LPIN1: variants seen among roughly 807,000 people sequenced by gnomAD.
LPIN1 encodes the protein phosphatidate phosphatase LPIN1.
LPIN1 carries 71 observed loss-of-function variants against 107.5 expected under a neutral mutation model. The observed-to-expected ratio is 0.66, with a 90% CI of 0.55 to 0.80. LPIN1 has a LOEUF of 0.80. Among genes scored for constraint, LPIN1 ranks in the 30% least tolerant of loss-of-function variants. The probability of loss-of-function intolerance (pLI) is 0.00; values close to 1 mark genes in which losing one functional copy is unlikely to be tolerated. For synonymous variants in LPIN1, 445 were observed against 452.6 expected (o/e 0.98, Z 0.21); for missense variants, 1,043 against 1,160.6 (o/e 0.90, Z 1.47).
At chr2:11,821,377 T>C (rs530545331) in intron 20 of LPIN1, among the ~76,000 whole-genome samples, 2 of 152,062 alleles carry the variant, frequency 1.3e-5, no homozygotes, top group East Asian at 3.9e-4. Flanking sequence ...ATTAGCCAGG[T>C]GTGGTGGTGC....
chr2:11,806,450 C>T (rs903246679), intron 17 of LPIN1, among the ~76,000 whole-genome samples: 1 of 152,044 alleles, frequency 6.6e-6, no homozygotes, highest in African/African-American at 2.4e-5. Flanking sequence ...TTAAAAGCTT[C>T]AGATTTTGTT....
At chr2:11,789,669 T>A (rs1418084157) in intron 12 of LPIN1, among the ~76,000 whole-genome samples, 1 of 152,196 alleles carries the variant, frequency 6.6e-6, no homozygotes, top group Non-Finnish European at 1.5e-5. Flanking sequence ...GCTGAGGGCA[T>A]GTTCTCCAGA....
At position 11,724,343 on chromosome 2, in the gene LPIN1, A is replaced by G. The variant is rs1378688038; in HGVS notation, c.-268A>G. ...TCCCAGGAGAGCCCATGCGCAGGGC[A>G]TGGATGAAAGCAAGCTGGAGAGGGA... On this transcript the variant is annotated 5_prime_UTR_variant, in exon 1 of 22. Transcript: ENST00000396097. 3.0e-6 allele frequency: 3 copies of G among 985,934 alleles called. No homozygotes were observed. In the East Asian group the frequency reaches 3.4e-4, roughly 112 times the overall value. The allele number at this position is 985,934 out of a possible 1,614,324, so 61.1% of individuals were successfully genotyped here.
At chr2:11,797,644 G>T (rs1410039844) in intron 14 of LPIN1, among the ~76,000 whole-genome samples, 1 of 152,094 alleles carries the variant, frequency 6.6e-6, no homozygotes, top group Non-Finnish European at 1.5e-5. Flanking sequence ...TGGCCAATTT[G>T]TCCCAATGGA....
chr2:11,815,040 G>T, intron 17 of LPIN1, 48 bp from the exon 18 acceptor site: 8 of 1,550,642 alleles, frequency 5.2e-6, no homozygotes, highest in Non-Finnish European at 7.1e-6. Context: ...AATGCAGAAA[G>T]GTTCCATTTT....
At chr2:11,802,827 C>T in intron 14 of LPIN1, 80 bp from the exon 15 acceptor site, 4 of 1,533,576 alleles carry the variant, frequency 2.6e-6, no homozygotes, top group Non-Finnish European at 3.6e-6. Context: ...TTGACTTAGT[C>T]ATTGATTAAA....
In LPIN1 at chr2:11,823,329, G is replaced by A. The variant is rs143029088; in HGVS notation, c.2622-1303G>A. Among the ~76,000 whole-genome samples the A allele has an allele frequency of 5.6e-3, 850 of 152,274 alleles. 5 individuals are homozygous for A. Among genetic ancestry groups the A allele is most frequent in the African/African-American group, 0.017 (694 of 41,550 alleles). The stretch of plus-strand genomic sequence containing the variant: ...CTTGTAGTCAAGCCTGCAGGGAGGG[G>A]CCCTGCTGCCGCAGCCACAAACCTC... On this transcript the variant is annotated intron_variant, in intron 20 of 20. Coordinates refer to ENST00000674199, the MANE Select transcript of LPIN1 (RefSeq NM_001349206.2).
intron 1 of LPIN1, among the ~76,000 whole-genome samples, chr2:11,700,468 G>GCT (rs147476201): frequency 0.091 from 13,478 of 147,566 alleles, 742 homozygotes; most frequent in Middle Eastern, 0.18. Flanking sequence ...CTCTCTCTCA[G>GCT]CTCTCTCTCT....
At chr2:11,705,651 T>C (rs960966229) in intron 1 of LPIN1, among the ~76,000 whole-genome samples, 1 of 151,884 alleles carries the variant, frequency 6.6e-6, no homozygotes, top group African/African-American at 2.4e-5. Context: ...TGTAGTAAGC[T>C]GAATAGGAGG....
intron 1 of LPIN1, among the ~76,000 whole-genome samples, chr2:11,681,982 C>T (rs1661739454): frequency 6.6e-6 from 1 of 152,212 alleles, no homozygotes; most frequent in African/African-American, 2.4e-5. Context: ...TACCGCGAAC[C>T]CCCTGAAATG....
intron 1 of LPIN1, among the ~76,000 whole-genome samples, chr2:11,695,802 G>C (rs1354134058): frequency 4.6e-5 from 7 of 152,164 alleles, no homozygotes; most frequent in Non-Finnish European, 1.0e-4. Context: ...TTTTGGTTTG[G>C]TGAGTGGAAC....
chr2:11,733,054 G>C (rs527435566), intron 1 of LPIN1, among the ~76,000 whole-genome samples: 7 of 151,926 alleles, frequency 4.6e-5, no homozygotes, highest in African/African-American at 1.7e-4. Context: ...TCAATACCTG[G>C]CTCTTCTACC....
chr2:11,744,447 C>G (rs181515101), upstream of LPIN1, among the ~76,000 whole-genome samples: 1 of 152,184 alleles, frequency 6.6e-6, no homozygotes, highest in Non-Finnish European at 1.5e-5. Context: ...AAGGCTCCCC[C>G]CAACCCTTGG....
At position 11,707,170 on chromosome 2, in the gene LPIN1, G is replaced by A. The variant is rs1367887310; in HGVS notation, c.82-6586G>A. Reference sequence around the variant, plus strand: ...TTTAGTAGGAAAAACAGAAAACAAAGAATAATGATCTAACGTCAGATACTG... The same window carrying A: ...TTTAGTAGGAAAAACAGAAAACAAAAAATAATGATCTAACGTCAGATACTG... On this transcript the variant is annotated intron_variant, in intron 1 of 21. Coordinates refer to the LPIN1 transcript ENST00000449576. This position sits in a 1 kb window ranked among gnomAD's most constrained non-coding sequence, Gnocchi z 4.2. 1.3e-5 allele frequency among the ~76,000 whole-genome samples: 2 copies of A among 152,126 alleles called. No homozygotes were observed. Among genetic ancestry groups the A allele is most frequent in the Non-Finnish European group, 2.9e-5 (2 of 68,016 alleles).
At chr2:11,784,449 C>A in intron 9 of LPIN1, 1 of 1,100,154 alleles carries the variant, frequency 9.1e-7, no homozygotes, top group Non-Finnish European at 1.1e-6. Flanking sequence ...GGGCTGCCCT[C>A]CCTGCAAAGC....
At position 11,773,647 on chromosome 2, in the gene LPIN1, C is replaced by G. The variant is rs771764374; in HGVS notation, c.624C>G (p.Phe208Leu). The G allele has an allele frequency of 3.1e-6, 5 of 1,610,894 alleles. No individual in the cohort carries two copies. In the South Asian group the frequency reaches 4.4e-5, roughly 14 times the overall value. The change falls in exon 5 of 21, where the codon TTC becomes TTG. Residue 208 changes from phenylalanine (F) to leucine (L), a missense_variant. Transcript: ENST00000674199. ...SRTLPNDIPP[F>L]QDDIPEENLS... ...CTCTTCCTAATGATATACCTCCATT[C>G]CAAGATGATATTCCTGAGGAAAACC... is the stretch of plus-strand genomic sequence containing the variant.
chr2:11,691,084 G>GTTTT lies in LPIN1; in HGVS notation c.81+13368_81+13371dup, dbSNP rs59865645. Reference sequence around the variant, plus strand: ...GAGTGGATTTAAAAATCTTGTTGTGGTTTTTTTTTTTTTTTCTCTCTCCTT... The same window carrying GTTTT: ...GAGTGGATTTAAAAATCTTGTTGTGGTTTTTTTTTTTTTTTTTTTCTCTCTCCTT... On this transcript the variant is annotated intron_variant, in intron 1 of 21. Coordinates refer to the LPIN1 transcript ENST00000449576. Among the ~76,000 whole-genome samples, 189 of 140,584 alleles carry GTTTT rather than the reference G, an allele frequency of 1.3e-3. 2 individuals carry two copies. Among genetic ancestry groups the GTTTT allele is most frequent in the African/African-American group, 3.8e-3 (142 of 37,192 alleles). 92.2% of individuals were successfully genotyped at this position (140,584 alleles called of 152,430 possible).
intron 1 of LPIN1, among the ~76,000 whole-genome samples, chr2:11,691,226 T>C (rs1018209727): frequency 2.6e-5 from 4 of 152,078 alleles, no homozygotes; most frequent in African/African-American, 7.3e-5. Flanking sequence ...GGGGGCACAG[T>C]CCAGAGCCAG....
exon 1 of LPIN1, chr2:11,724,442 C>A (rs1664395863): frequency 1.0e-6 from 1 of 985,698 alleles, no homozygotes; most frequent in Admixed American, 6.1e-5. Flanking sequence ...AAGACCGGGG[C>A]CAGCCATGCC....
Sources: allele counts gnomAD v4.1 joint callset (sites outside exome capture counted in the v4.1 genomes callset), GRCh38; gene constraint gnomAD v4.1.1; non-coding constraint Gnocchi (gnomAD v3.1); transcripts MANE v1.5; gene names NCBI Gene and HGNC (gene_info 2026-07-23, HGNC 2026-07-21).